CNTN4: variants seen among roughly 807,000 people sequenced by gnomAD.
The protein encoded by CNTN4 is contactin 4.
In CNTN4, 77 loss-of-function variants were observed where a neutral mutation model predicts 122.5. The ratio of observed to expected loss-of-function variants is 0.63; its 90% CI spans 0.52 to 0.76. The LOEUF is 0.76. Among genes scored for constraint, CNTN4 ranks in the 30% least tolerant of loss-of-function variants. The probability of loss-of-function intolerance (pLI) is 0.00; values close to 1 mark genes in which losing one functional copy is unlikely to be tolerated. For missense variants in CNTN4, 1,256 were observed against 1,259.1 expected (o/e 1.00, Z 0.04); for synonymous variants, 512 against 447.0 (o/e 1.15, Z -1.83).
intron 4 of CNTN4, among the ~76,000 whole-genome samples, chr3:2,592,197 A>C (rs775477029): frequency 2.6e-5 from 4 of 152,150 alleles, no homozygotes; most frequent in Non-Finnish European, 5.9e-5. Context: ...AAAGGTTTTC[A>C]GCTTGGCCCT....
chr3:2,380,507 A>G (rs1266046984), intron 3 of CNTN4, among the ~76,000 whole-genome samples: 1 of 152,156 alleles, frequency 6.6e-6, no homozygotes, highest in Non-Finnish European at 1.5e-5. Context: ...GATGCTTACC[A>G]CTCTTGAAGG....
At chr3:2,711,352 C>G (rs563761246) in intron 4 of CNTN4, among the ~76,000 whole-genome samples, 1 of 152,100 alleles carries the variant, frequency 6.6e-6, no homozygotes, top group Admixed American at 6.6e-5. Context: ...TGTTACAAAG[C>G]CTCCTGATTT....
chr3:2,606,176 T>C (rs1392433296), intron 4 of CNTN4, among the ~76,000 whole-genome samples: 8 of 152,210 alleles, frequency 5.3e-5, no homozygotes, highest in Admixed American at 5.2e-4. Context: ...GAGGTCAGTA[T>C]GGACCAGATC....
intron 6 of CNTN4, among the ~76,000 whole-genome samples, chr3:2,802,338 CG>C (rs2092367848): frequency 6.6e-6 from 1 of 152,202 alleles, no homozygotes; most frequent in Non-Finnish European, 1.5e-5. Flanking sequence ...TCTGCCTTCT[CG>C]TTTGAGCTCT....
intron 14 of CNTN4, among the ~76,000 whole-genome samples, chr3:3,006,231 G>C (rs1386519414): frequency 6.6e-6 from 1 of 152,032 alleles, no homozygotes; most frequent in Non-Finnish European, 1.5e-5. Context: ...TTTTGGTTTT[G>C]GTTATTTGAA....
At chr3:2,274,382 A>AAAACAAAC (rs139284831) in intron 2 of CNTN4, among the ~76,000 whole-genome samples, 5 of 151,032 alleles carry the variant, frequency 3.3e-5, no homozygotes, top group South Asian at 4.2e-4. Flanking sequence ...GACTCCATCA[A>AAAACAAAC]AAACAAACAA....
At chr3:2,706,780 C>T (rs560095718) in intron 4 of CNTN4, among the ~76,000 whole-genome samples, 4 of 152,252 alleles carry the variant, frequency 2.6e-5, no homozygotes, top group Middle Eastern at 3.4e-3. Context: ...TAAAAGATCA[C>T]GTAGATTCCA....
In CNTN4 at chr3:3,027,754, G is replaced by A. The variant is rs528665462; in HGVS notation, c.1662+1477G>A. On this transcript the variant is annotated intron_variant, in intron 15 of 24. Coordinates refer to ENST00000418658, the MANE Select transcript of CNTN4 (RefSeq NM_175607.3). Reference sequence around the variant, plus strand: ...CACCAACCAATGAAAACAGATGCCCGACCAATCGAAGTGGACGTCCTACCA... The same window carrying A: ...CACCAACCAATGAAAACAGATGCCCAACCAATCGAAGTGGACGTCCTACCA... Among the ~76,000 whole-genome samples the A allele has an allele frequency of 1.3e-3, 191 of 152,264 alleles. 1 individual carries two copies. Among genetic ancestry groups the A allele is most frequent in the African/African-American group, 4.2e-3 (175 of 41,566 alleles).
chr3:2,796,709 A>C (rs961310669), intron 6 of CNTN4, among the ~76,000 whole-genome samples: 1 of 152,340 alleles, frequency 6.6e-6, no homozygotes, highest in African/African-American at 2.4e-5. Flanking sequence ...TTAATTGCTT[A>C]AGTCCTTACA....
chr3:2,518,807 C>T (rs902994377), intron 3 of CNTN4, among the ~76,000 whole-genome samples: 1 of 151,604 alleles, frequency 6.6e-6, no homozygotes, highest in African/African-American at 2.4e-5. Flanking sequence ...TAGAACTTTG[C>T]CTGTGGGCCT....
intron 3 of CNTN4, among the ~76,000 whole-genome samples, chr3:2,421,540 C>G (rs1490986465): frequency 6.6e-6 from 1 of 152,172 alleles, no homozygotes; most frequent in Non-Finnish European, 1.5e-5. Context: ...ATGTTAGCCA[C>G]CGCTCCCAGC....
At chr3:2,870,780 G>A (rs2093775302) in intron 8 of CNTN4, among the ~76,000 whole-genome samples, 1 of 152,184 alleles carries the variant, frequency 6.6e-6, no homozygotes, top group Admixed American at 6.5e-5. Flanking sequence ...CATGTAGCTG[G>A]CAGAACTGTA....
At chr3:2,800,001 T>TAAA (rs2092307979) in intron 6 of CNTN4, among the ~76,000 whole-genome samples, 8 of 152,112 alleles carry the variant, frequency 5.3e-5, no homozygotes, top group Admixed American at 5.2e-4. Context: ...TGTGTCTATT[T>TAAA]TTATACCAGT....
intron 9 of CNTN4, 142 bp downstream of exon 9, chr3:2,883,389 C>T: frequency 1.5e-6 from 1 of 685,838 alleles, no homozygotes; most frequent in East Asian, 2.9e-5. Flanking sequence ...GTGTATGCAT[C>T]TTGGATTCTG....
At chr3:3,022,017 G>A (rs1698339604) in intron 14 of CNTN4, among the ~76,000 whole-genome samples, 1 of 149,564 alleles carries the variant, frequency 6.7e-6, no homozygotes, top group African/African-American at 2.5e-5. Flanking sequence ...CTGAACTCAG[G>A]AGCTCGAGAC....
At chr3:2,151,430 C>T (rs1559290606) in intron 2 of CNTN4, among the ~76,000 whole-genome samples, 1 of 152,118 alleles carries the variant, frequency 6.6e-6, no homozygotes. Context: ...GGCTCTGGGG[C>T]CAAAACAAGC....
At chr3:3,016,808 A>T (rs1697800728) in intron 14 of CNTN4, among the ~76,000 whole-genome samples, 2 of 152,202 alleles carry the variant, frequency 1.3e-5, no homozygotes, top group Non-Finnish European at 2.9e-5. Flanking sequence ...CAAGCTTATT[A>T]AACAGCTCTG....
At chr3:2,429,463 C>G (rs2047974510) in intron 3 of CNTN4, among the ~76,000 whole-genome samples, 1 of 152,142 alleles carries the variant, frequency 6.6e-6, no homozygotes, top group Admixed American at 6.5e-5. Flanking sequence ...AGATGGGCAC[C>G]CGGCCATATG....
At chr3:2,289,221 T>C (rs1414960878) in intron 2 of CNTN4, among the ~76,000 whole-genome samples, 1 of 152,188 alleles carries the variant, frequency 6.6e-6, no homozygotes, top group African/African-American at 2.4e-5. Context: ...ACATGAATGA[T>C]GGAGTGATAG....
Sources: gnomAD v4.1 joint callset for allele counts (sites outside exome capture counted in the v4.1 genomes callset) on GRCh38, gnomAD v4.1.1 for gene constraint, MANE v1.5 for transcripts, NCBI Gene and HGNC (gene_info 2026-07-23, HGNC 2026-07-21) for gene names.